Variants in SUV39H1 observed in about 807,000 individuals in gnomAD.
SUV39H1 encodes the protein SUV39H1 histone lysine methyltransferase.
For synonymous variants in SUV39H1, 141 were observed against 150.5 expected (o/e 0.94, Z 0.46); for missense variants, 180 against 386.3 (o/e 0.47, Z 4.48).
At chrX:48,700,941 G>C (rs1167530571) in intron 3 of SUV39H1, 188 bp downstream of exon 3, 2 of 530,862 alleles carry the variant, frequency 3.8e-6, no homozygotes, top group Admixed American at 2.7e-5. Flanking sequence ...ACACCAGCAT[G>C]GCCATGCTGG....
upstream of SUV39H1, chrX:48,695,699 A>C (rs1465583022): frequency 7.1e-6 from 8 of 1,133,163 alleles, no homozygotes; most frequent in Non-Finnish European, 9.3e-6. Flanking sequence ...AACGAGTCAC[A>C]GGCCAGCTGG....
intron 3 of SUV39H1, among the ~76,000 whole-genome samples, chrX:48,702,189 G>A (rs1557009527): frequency 8.9e-6 from 1 of 112,299 alleles, no homozygotes; most frequent in Non-Finnish European, 1.9e-5. Flanking sequence ...GAGGTGGGGA[G>A]GTGTCCACAC....
Position 48,699,956 on chromosome X carries a change from C to G in SUV39H1, c.166-135C>G, listed in dbSNP as rs944550749. 3 of 512,068 alleles carry G rather than the reference C, an allele frequency of 5.9e-6. No homozygotes were observed. The African/African-American group carries it at 7.3e-5, about 12-fold the overall frequency. 42.2% of individuals were successfully genotyped at this position (512,068 alleles called of 1,213,427 possible). On this transcript the variant is annotated intron_variant, in intron 2 of 5. Transcript: ENST00000376687. The stretch of plus-strand genomic sequence containing the variant: ...TCTAGAGCCCATGCTTTTTAATCAC[C>G]GCATGAAGTCATTCCAGAAAAGGGG...
Position 48,707,661 on chromosome X carries a change from G to A in SUV39H1, c.*91G>A, listed in dbSNP as rs911983904. Reference sequence around the variant, plus strand: ...GCCCTCCTGTCGAGAATGACTGCCAGGGCCTCGCCTGCCTCCACCTGCCCC... The same window carrying A: ...GCCCTCCTGTCGAGAATGACTGCCAAGGCCTCGCCTGCCTCCACCTGCCCC... On this transcript the variant is annotated 3_prime_UTR_variant, in exon 6 of 6. Transcript: ENST00000376687. The A allele has an allele frequency of 4.5e-6, 5 of 1,104,930 alleles. No individual in the cohort carries two copies. The Admixed American group carries it at 1.1e-4, about 25-fold the overall frequency. The allele number at this position is 1,104,930 out of a possible 1,213,427, so 91.1% of individuals were successfully genotyped here.
rs1159504733 is a variant in SUV39H1, at chrX:48,707,643, T to G, written c.*73T>G. The G allele has an allele frequency of 2.6e-6, 3 of 1,151,183 alleles. No homozygotes were observed. The highest frequency in any genetic ancestry group is 3.0e-5 in the East Asian group (1 of 33,202). The allele number at this position is 1,151,183 out of a possible 1,213,427, so 94.9% of individuals were successfully genotyped here. A position where few individuals can be genotyped will look rare whatever the true frequency, so the allele number is the denominator to read the frequency against. On this transcript the variant is annotated 3_prime_UTR_variant, in exon 6 of 6. Transcript: ENST00000376687. Reference sequence around the variant, plus strand: ...TGCACCTCCCCCACTGCTGCCCTCCTGTCGAGAATGACTGCCAGGGCCTCG... The same window carrying G: ...TGCACCTCCCCCACTGCTGCCCTCCGGTCGAGAATGACTGCCAGGGCCTCG...
intron 3 of SUV39H1, among the ~76,000 whole-genome samples, chrX:48,701,466 C>G (rs2062475005): frequency 8.9e-6 from 1 of 111,899 alleles, no homozygotes; most frequent in African/African-American, 3.2e-5. Context: ...GAGTCACTAC[C>G]AGATCCTCAG....
At chrX:48,701,154 G>A (rs1557009422) in intron 3 of SUV39H1, among the ~76,000 whole-genome samples, 2 of 111,509 alleles carry the variant, frequency 1.8e-5, no homozygotes, top group Admixed American at 9.5e-5. Flanking sequence ...AGCAGTATCT[G>A]CCTGAGGAGC....
upstream of SUV39H1, chrX:48,696,713 C>G: frequency 2.7e-6 from 3 of 1,115,289 alleles, no homozygotes; most frequent in Non-Finnish European, 3.5e-6. Context: ...GCTGCGCGTT[C>G]CCGGCCACGC....
At chrX:48,701,018 A>G (rs1484214718) in intron 3 of SUV39H1, 2 of 427,292 alleles carry the variant, frequency 4.7e-6, no homozygotes, top group Admixed American at 3.3e-5. Context: ...GCAAAGAAGA[A>G]AAGTGGGAGC....
chrX:48,698,851 T>C, intron 1 of SUV39H1, 51 bp from the exon 2 acceptor site: 2 of 1,182,830 alleles, frequency 1.7e-6, no homozygotes, highest in Non-Finnish European at 2.3e-6. Flanking sequence ...CTTTGACTCC[T>C]GGCCTAGTCA....
chrX:48,698,488 C>A (rs1326315739), intron 1 of SUV39H1, among the ~76,000 whole-genome samples: 4 of 111,464 alleles, frequency 3.6e-5, no homozygotes, highest in African/African-American at 1.3e-4. Flanking sequence ...TTAATCTTGT[C>A]CTCCCATCCG....
intron 1 of SUV39H1, among the ~76,000 whole-genome samples, chrX:48,697,205 C>T (rs2062459535): frequency 9.0e-6 from 1 of 111,482 alleles, no homozygotes; most frequent in Admixed American, 9.3e-5. Context: ...GACAGACCCC[C>T]CCTTCAGAGT....
chrX:48,704,095 C>T (rs2062483345), intron 3 of SUV39H1, among the ~76,000 whole-genome samples: 1 of 110,097 alleles, frequency 9.1e-6, no homozygotes, highest in Admixed American at 9.7e-5. Flanking sequence ...CGTCAGCACC[C>T]TCTCGGAACT....
chrX:48,698,293 T>C (rs1322552625), intron 1 of SUV39H1, among the ~76,000 whole-genome samples: 4 of 112,098 alleles, frequency 3.6e-5, no homozygotes, highest in Non-Finnish European at 5.6e-5. Flanking sequence ...GGTTAATGCA[T>C]TTGATTATAG....
At chrX:48,697,330 T>C (rs978402000) in intron 1 of SUV39H1, among the ~76,000 whole-genome samples, 2 of 111,656 alleles carry the variant, frequency 1.8e-5, no homozygotes, top group Non-Finnish European at 3.8e-5. Flanking sequence ...ATAGGACAGC[T>C]GGACTCCCCC....
upstream of SUV39H1, chrX:48,696,003 C>T (rs2062453275): frequency 1.1e-6 from 1 of 930,400 alleles, no homozygotes; most frequent in South Asian, 2.2e-5. Flanking sequence ...CTGATAGTGC[C>T]CGACAGGGCT....
In SUV39H1 at chrX:48,707,749, C is replaced by A; in HGVS notation, c.*179C>A. 1 of 558,231 alleles carries A rather than the reference C, an allele frequency of 1.8e-6. No homozygotes were observed. Among genetic ancestry groups the A allele is most frequent in the East Asian group, 3.6e-5 (1 of 27,570 alleles). The allele number at this position is 558,231 out of a possible 1,213,427, so 46.0% of individuals were successfully genotyped here. A position where few individuals can be genotyped will look rare whatever the true frequency, so the allele number is the denominator to read the frequency against. The stretch of plus-strand genomic sequence containing the variant: ...CGTGGTGAGGACCGACTCCAGGAGT[C>A]CCCTTTCCCTGTCCCAGCCCCATCT... On this transcript the variant is annotated 3_prime_UTR_variant, in exon 6 of 6. Transcript: ENST00000376687.
chrX:48,696,730 G>C, upstream of SUV39H1: 2 of 1,128,440 alleles, frequency 1.8e-6, no homozygotes, highest in African/African-American at 3.7e-5. Context: ...ACGCCCGCGC[G>C]AGCGCTCTTC....
At chrX:48,704,477 G>A (rs1557009809) in intron 3 of SUV39H1, among the ~76,000 whole-genome samples, 1 of 111,256 alleles carries the variant, frequency 9.0e-6, no homozygotes, top group African/African-American at 3.3e-5. Flanking sequence ...CAGCTTCTGA[G>A]GTAGGGGAGG....
Sources: allele counts gnomAD v4.1 joint callset (sites outside exome capture counted in the v4.1 genomes callset), GRCh38; gene constraint gnomAD v4.1.1; transcripts MANE v1.5; gene names NCBI Gene and HGNC (gene_info 2026-07-23, HGNC 2026-07-21).